CDH13: variants seen among roughly 807,000 people sequenced by gnomAD.
CDH13 encodes the protein cadherin-13.
CDH13 carries 24 observed loss-of-function variants against 63.8 expected under a neutral mutation model. The ratio of observed to expected loss-of-function variants is 0.38; its 90% CI spans 0.27 to 0.53. The LOEUF is 0.53. Ranked by LOEUF, CDH13 falls within the 20% of genes least tolerant of loss-of-function variation. The probability of loss-of-function intolerance (pLI) is 0.85; values close to 1 mark genes in which losing one functional copy is unlikely to be tolerated. For synonymous variants in CDH13, 503 were observed against 355.3 expected (o/e 1.42, Z -4.67); for missense variants, 1,049 against 903.1 (o/e 1.16, Z -2.07).
intron 4 of CDH13, among the ~76,000 whole-genome samples, chr16:83,142,779 C>G (rs1392077011): frequency 6.6e-6 from 1 of 152,038 alleles, no homozygotes; most frequent in Non-Finnish European, 1.5e-5. Flanking sequence ...CAAAAAAGGC[C>G]AACTCCAGTG....
At chr16:83,762,727 C>A (rs898595935) in intron 11 of CDH13, among the ~76,000 whole-genome samples, 3 of 152,188 alleles carry the variant, frequency 2.0e-5, no homozygotes. Flanking sequence ...TGAGACTGGT[C>A]TTCCTGCCTC....
At chr16:82,940,272 C>G (rs564709634) in intron 2 of CDH13, among the ~76,000 whole-genome samples, 1 of 152,280 alleles carries the variant, frequency 6.6e-6, no homozygotes, top group East Asian at 1.9e-4. Context: ...AATACGTTGC[C>G]TTGAGCAAAT....
At chr16:83,771,538 A>G (rs2150998730) in intron 11 of CDH13, among the ~76,000 whole-genome samples, 1 of 152,340 alleles carries the variant, frequency 6.6e-6, no homozygotes, top group South Asian at 2.1e-4. Flanking sequence ...ATGAAGCAAA[A>G]GCACCGCCAT....
intron 2 of CDH13, among the ~76,000 whole-genome samples, chr16:82,884,980 G>T (rs907236753): frequency 1.3e-5 from 2 of 152,222 alleles, no homozygotes; most frequent in Middle Eastern, 3.4e-3. Context: ...CTCTTAGTTG[G>T]GTGGACTTAC....
chr16:82,771,818 C>A (rs914725842), intron 1 of CDH13, among the ~76,000 whole-genome samples: 2 of 152,224 alleles, frequency 1.3e-5, no homozygotes, highest in African/African-American at 4.8e-5. Context: ...GGTGTCATCT[C>A]AAGCGAAGTT....
At chr16:83,416,792 A>G (rs1411969348) in intron 6 of CDH13, among the ~76,000 whole-genome samples, 1 of 152,184 alleles carries the variant, frequency 6.6e-6, no homozygotes, top group Non-Finnish European at 1.5e-5. Flanking sequence ...CTGCCACTAA[A>G]TAGCTATATG....
At chr16:82,821,563 A>T (rs1487274920) in intron 1 of CDH13, among the ~76,000 whole-genome samples, 1 of 152,214 alleles carries the variant, frequency 6.6e-6, no homozygotes, top group East Asian at 1.9e-4. Context: ...TGTTGGGCTT[A>T]CAAGTGGCAC....
intron 6 of CDH13, among the ~76,000 whole-genome samples, chr16:83,484,511 C>T (rs1242056974): frequency 1.3e-5 from 2 of 152,216 alleles, no homozygotes; most frequent in Non-Finnish European, 2.9e-5. Context: ...TCATCAAAAC[C>T]AGCAGGCATG....
intron 10 of CDH13, among the ~76,000 whole-genome samples, chr16:83,678,714 T>G (rs2150871192): frequency 6.6e-6 from 1 of 152,200 alleles, no homozygotes; most frequent in East Asian, 1.9e-4. Flanking sequence ...TGTTCCCAAA[T>G]GACCAGCCGG....
At chr16:83,180,361 T>C (rs901133039) in intron 4 of CDH13, among the ~76,000 whole-genome samples, 5 of 152,148 alleles carry the variant, frequency 3.3e-5, no homozygotes, top group African/African-American at 1.2e-4. Flanking sequence ...CTTTCCTTTA[T>C]AAGGTTAGGA....
chr16:83,285,099 A>C (rs575577154), intron 5 of CDH13, among the ~76,000 whole-genome samples: 2 of 152,250 alleles, frequency 1.3e-5, no homozygotes, highest in South Asian at 4.2e-4. Context: ...ACGGCTTTTT[A>C]ACCTTCAGAA....
At chr16:82,877,560 G>A (rs545006967) in intron 2 of CDH13, among the ~76,000 whole-genome samples, 1 of 152,208 alleles carries the variant, frequency 6.6e-6, no homozygotes, top group Non-Finnish European at 1.5e-5. Context: ...ATTCTGCAGA[G>A]TGGTAACAGC....
intron 10 of CDH13, among the ~76,000 whole-genome samples, chr16:83,720,847 T>A (rs1909600247): frequency 6.6e-6 from 1 of 152,130 alleles, no homozygotes; most frequent in Non-Finnish European, 1.5e-5. Context: ...TCAAGCAAGG[T>A]CCTGTCATAA....
chr16:83,450,920 C>A (rs1185664164), intron 6 of CDH13, among the ~76,000 whole-genome samples: 1 of 152,138 alleles, frequency 6.6e-6, no homozygotes, highest in Non-Finnish European at 1.5e-5. Context: ...AACAGTAGTT[C>A]TCAGCCTTGT....
Position 83,426,796 on chromosome 16 carries a change from A to G in CDH13, c.782-59681A>G, listed in dbSNP as rs1226697753. 4.0e-5 allele frequency among the ~76,000 whole-genome samples: 6 copies of G among 151,044 alleles called. No homozygotes were observed. In the East Asian group the frequency reaches 7.8e-4, roughly 20 times the overall value. On this transcript the variant is annotated intron_variant, in intron 6 of 13. Coordinates refer to ENST00000567109, the MANE Select transcript of CDH13 (RefSeq NM_001257.5). The stretch of plus-strand genomic sequence containing the variant: ...TACCAAACTTAAACTTCTTATTAAC[A>G]TGACCCATCTCTTTTCTCCTCTCTT...
intron 5 of CDH13, among the ~76,000 whole-genome samples, chr16:83,283,403 C>T (rs1301245360): frequency 6.6e-6 from 1 of 152,086 alleles, no homozygotes; most frequent in African/African-American, 2.4e-5. Flanking sequence ...CCAGCCTGGC[C>T]AACATGGTGA....
At chr16:83,256,458 T>G (rs1409060699) in intron 5 of CDH13, among the ~76,000 whole-genome samples, 1 of 152,076 alleles carries the variant, frequency 6.6e-6, no homozygotes, top group Non-Finnish European at 1.5e-5. Flanking sequence ...TACAAGAGCA[T>G]TAGAGATAGA....
intron 1 of CDH13, among the ~76,000 whole-genome samples, chr16:82,738,755 G>A (rs144217318): frequency 2.0e-5 from 3 of 152,154 alleles, no homozygotes; most frequent in Non-Finnish European, 4.4e-5. Flanking sequence ...CTTTCTGTAG[G>A]CATTAACTCT....
At chr16:82,935,571 C>G (rs2042641508) in intron 2 of CDH13, among the ~76,000 whole-genome samples, 1 of 152,168 alleles carries the variant, frequency 6.6e-6, no homozygotes, top group Non-Finnish European at 1.5e-5. Flanking sequence ...CCTTGGAAAT[C>G]ATTTCAGAAA....
Sources: allele counts gnomAD v4.1 joint callset (sites outside exome capture counted in the v4.1 genomes callset), GRCh38; gene constraint gnomAD v4.1.1; transcripts MANE v1.5; gene names NCBI Gene and HGNC (gene_info 2026-07-23, HGNC 2026-07-21).